Variants in DENND1A observed in about 807,000 individuals in gnomAD.
DENND1A encodes the protein DENN domain-containing protein 1A.
In DENND1A, 51 loss-of-function variants were observed where a neutral mutation model predicts 113.7. The ratio of observed to expected loss-of-function variants is 0.45; its 90% CI spans 0.36 to 0.57. DENND1A has a LOEUF of 0.57. Ranked by LOEUF, DENND1A falls within the 20% of genes least tolerant of loss-of-function variation. The probability of loss-of-function intolerance (pLI) is 0.00; values close to 1 mark genes in which losing one functional copy is unlikely to be tolerated. For missense variants in DENND1A, 1,258 were observed against 1,395.9 expected (o/e 0.90, Z 1.57); for synonymous variants, 565 against 570.8 (o/e 0.99, Z 0.14).
At chr9:123,608,830 A>C (rs1180799621) in intron 11 of DENND1A, among the ~76,000 whole-genome samples, 1 of 152,268 alleles carries the variant, frequency 6.6e-6, no homozygotes. Flanking sequence ...AGTGGGAATG[A>C]TAGGTGGCAA....
intron 3 of DENND1A, among the ~76,000 whole-genome samples, chr9:123,771,870 G>T (rs1355251564): frequency 6.6e-6 from 1 of 152,074 alleles, no homozygotes; most frequent in Non-Finnish European, 1.5e-5. Flanking sequence ...ATAGGATGGG[G>T]GGAGGGGAGG....
intron 5 of DENND1A, among the ~76,000 whole-genome samples, chr9:123,704,230 G>A (rs1297113310): frequency 6.6e-6 from 1 of 152,026 alleles, no homozygotes; most frequent in Non-Finnish European, 1.5e-5. Flanking sequence ...GCCAAACCAT[G>A]AACACTTTGA....
chr9:123,852,909 T>C (rs1227176192), intron 2 of DENND1A, among the ~76,000 whole-genome samples: 1 of 151,990 alleles, frequency 6.6e-6, no homozygotes, highest in Non-Finnish European at 1.5e-5. Context: ...TTCTTTCTTT[T>C]TTTTTTCTTT....
intron 23 of DENND1A, among the ~76,000 whole-genome samples, chr9:123,383,400 C>T (rs1223864644): frequency 6.6e-6 from 1 of 152,196 alleles, no homozygotes; most frequent in Non-Finnish European, 1.5e-5. Flanking sequence ...AGCACCCGCC[C>T]CCCCGTCTGA....
chr9:123,894,407 A>G (rs1850393296), intron 1 of DENND1A, among the ~76,000 whole-genome samples: 1 of 152,224 alleles, frequency 6.6e-6, no homozygotes, highest in Non-Finnish European at 1.5e-5. Flanking sequence ...GCTCCTAAGG[A>G]GCTTACAACC....
At chr9:123,443,991 C>G (rs4641137) in intron 18 of DENND1A, among the ~76,000 whole-genome samples, 2,593 of 152,132 alleles carry the variant, frequency 0.017, 84 homozygotes, top group African/African-American at 0.06. Context: ...TTCAAATTCT[C>G]TGTTCTATCT....
chr9:123,898,494 AT>A (rs1012968408), intron 1 of DENND1A, among the ~76,000 whole-genome samples: 22 of 148,810 alleles, frequency 1.5e-4, no homozygotes, highest in African/African-American at 2.2e-4. Flanking sequence ...ACATCCAGCT[AT>A]TTTTTTTTTC....
intron 13 of DENND1A, among the ~76,000 whole-genome samples, chr9:123,522,533 C>T (rs866605994): frequency 4.6e-5 from 7 of 152,166 alleles, no homozygotes; most frequent in South Asian, 2.1e-4. Flanking sequence ...GAAAAAGACC[C>T]TCTTTTACTA....
At chr9:123,769,336 A>C (rs1401849054) in intron 4 of DENND1A, among the ~76,000 whole-genome samples, 178 bp downstream of exon 4, 1 of 152,214 alleles carries the variant, frequency 6.6e-6, no homozygotes, top group Non-Finnish European at 1.5e-5. Context: ...TAAGCTTTAA[A>C]CTTTTTGACA....
intron 9 of DENND1A, among the ~76,000 whole-genome samples, chr9:123,639,454 CAAAAAAA>C (rs1170557545): frequency 1.3e-5 from 1 of 76,368 alleles, no homozygotes; most frequent in Non-Finnish European, 2.5e-5. Flanking sequence ...AACCCCCTAC[CAAAAAAA>C]AAAAAAAAAA....
intron 8 of DENND1A, among the ~76,000 whole-genome samples, chr9:123,658,317 T>TA (rs1326038037): frequency 6.6e-6 from 1 of 151,984 alleles, no homozygotes; most frequent in African/African-American, 2.4e-5. Flanking sequence ...ATCCTTTATA[T>TA]AGCTGGTTTA....
At chr9:123,758,057 C>T (rs1564209557) in intron 4 of DENND1A, among the ~76,000 whole-genome samples, 1 of 151,564 alleles carries the variant, frequency 6.6e-6, no homozygotes, top group Non-Finnish European at 1.5e-5. Flanking sequence ...GCTATCATAC[C>T]TTCTCCTTAC....
At chr9:123,396,036 G>T (rs1473417778) in intron 21 of DENND1A, among the ~76,000 whole-genome samples, 1 of 152,114 alleles carries the variant, frequency 6.6e-6, no homozygotes. Context: ...AACATGGCCG[G>T]TCACCGCCAG....
At chr9:123,832,972 G>T (rs940030749) in intron 2 of DENND1A, among the ~76,000 whole-genome samples, 1 of 151,942 alleles carries the variant, frequency 6.6e-6, no homozygotes, top group African/African-American at 2.4e-5. Context: ...AATTAGCCAG[G>T]TTGGGGGTCC....
rs1303982172 is a variant in DENND1A at position 123,421,081 on chromosome 9, A to C, written c.1489-9252T>G. ...GCCTTGCTGCTGGGATGCATCTAGG[A>C]TGCTGTCGAGGGTGCCTGGGTGACA... On this transcript the variant is annotated intron_variant, in intron 19 of 23. Transcript: ENST00000394215. 2.8e-5 allele frequency among the ~76,000 whole-genome samples: 4 copies of C among 144,884 alleles called. No individual in the cohort carries two copies. In the East Asian group the frequency reaches 8.2e-4, roughly 30 times the overall value.
intron 13 of DENND1A, among the ~76,000 whole-genome samples, chr9:123,531,570 C>CT (rs2055323066): frequency 4.9e-5 from 7 of 142,376 alleles, no homozygotes; most frequent in African/African-American, 1.6e-4. Context: ...CACACACACA[C>CT]ACACACACAC....
chr9:123,407,070 G>T (rs2043913727), intron 20 of DENND1A, among the ~76,000 whole-genome samples: 1 of 145,748 alleles, frequency 6.9e-6, no homozygotes, highest in African/African-American at 2.5e-5. Context: ...ATGGCTCAGC[G>T]CCAACAAACA....
chr9:123,557,755 T>C, intron 12 of DENND1A, 60 bp from the exon 13 acceptor site: 3 of 1,587,958 alleles, frequency 1.9e-6, no homozygotes, highest in Non-Finnish European at 2.6e-6. Context: ...GGTGGCTGAC[T>C]AAGCCCACTA....
intron 20 of DENND1A, among the ~76,000 whole-genome samples, chr9:123,409,054 A>C (rs976688125): frequency 6.6e-6 from 1 of 152,186 alleles, no homozygotes; most frequent in Non-Finnish European, 1.5e-5. Flanking sequence ...ACTTATCATC[A>C]GGCCTGTCAT....
Sources: gnomAD v4.1 joint callset for allele counts (sites outside exome capture counted in the v4.1 genomes callset) on GRCh38, gnomAD v4.1.1 for gene constraint, MANE v1.5 for transcripts, NCBI Gene and HGNC (gene_info 2026-07-23, HGNC 2026-07-21) for gene names.